The following USP8 variants were observed in gnomAD, a reference collection of about 807,000 sequenced individuals.
The protein encoded by USP8 is ubiquitin carboxyl-terminal hydrolase 8.
Under a neutral mutation model 130.0 loss-of-function variants are expected in USP8, and 27 were observed. The observed-to-expected ratio is 0.21, with a 90% CI of 0.15 to 0.29. The LOEUF (loss-of-function observed/expected upper bound fraction) is 0.29. USP8 is among the 10% of genes least tolerant of loss of function. The probability of loss-of-function intolerance (pLI) is 1.00; values close to 1 mark genes in which losing one functional copy is unlikely to be tolerated. For synonymous variants in USP8, 392 were observed against 444.1 expected, an observed-to-expected ratio of 0.88 and a Z score of 1.48; for missense variants, 1,029 against 1,312.2, an observed-to-expected ratio of 0.78 and a Z score of 3.33.
intron 11 of USP8, among the ~76,000 whole-genome samples, chr15:50,482,853 G>A (rs1156538595): frequency 3.9e-5 from 6 of 152,118 alleles, no homozygotes; most frequent in Non-Finnish European, 8.8e-5. Context: ...TTTACAGAAT[G>A]TCAATTTCTA....
intron 10 of USP8, among the ~76,000 whole-genome samples, chr15:50,480,263 A>C (rs536031826): frequency 1.3e-5 from 2 of 152,314 alleles, no homozygotes; most frequent in African/African-American, 4.8e-5. Flanking sequence ...TCAGGAACTT[A>C]GGTAGTTTAT....
At chr15:50,454,962 A>G (rs549254335) in intron 4 of USP8, among the ~76,000 whole-genome samples, 2 of 151,948 alleles carry the variant, frequency 1.3e-5, no homozygotes, top group African/African-American at 2.4e-5. Context: ...TTTTATAGAG[A>G]TGGGGTCTTT....
chr15:50,433,753 C>G (rs1012040326), intron 1 of USP8, among the ~76,000 whole-genome samples: 2 of 151,718 alleles, frequency 1.3e-5, no homozygotes, highest in South Asian at 2.1e-4. Context: ...CTACAGGTGC[C>G]CGCCACCGTG....
chr15:50,433,780 T>TA (rs2050003632), intron 1 of USP8, among the ~76,000 whole-genome samples: 3 of 152,030 alleles, frequency 2.0e-5, no homozygotes, highest in Non-Finnish European at 4.4e-5. Context: ...TAATTTTTTG[T>TA]CTTTTTAGTA....
At chr15:50,470,987 G>A (rs2051358761) in intron 7 of USP8, among the ~76,000 whole-genome samples, 1 of 152,162 alleles carries the variant, frequency 6.6e-6, no homozygotes, top group South Asian at 2.1e-4. Context: ...GTTTTAAGAG[G>A]CAGCATAGCA....
chr15:50,496,442 C>G (rs2052409640), intron 17 of USP8, among the ~76,000 whole-genome samples: 1 of 142,666 alleles, frequency 7.0e-6, no homozygotes, highest in African/African-American at 2.6e-5. Context: ...GATCTCGCCA[C>G]TGCACTCCAG....
At chr15:50,471,427 A>T (rs1400861901) in intron 7 of USP8, among the ~76,000 whole-genome samples, 2 of 152,158 alleles carry the variant, frequency 1.3e-5, no homozygotes, top group African/African-American at 2.4e-5. Flanking sequence ...AACTACTAAA[A>T]CTATGTTCCA....
At position 50,481,682 on chromosome 15, in the gene USP8, G is replaced by GA; in HGVS notation, c.1427dup (p.Asn476LysfsTer35). On this transcript the variant is annotated frameshift_variant, in exon 11 of 20. Transcript: ENST00000307179. LOFTEE classifies it high-confidence loss of function. ...TCATGCAGAAACTGCTCTTCTAATG[G>GA]AAAAAAACAAACAAGAAAAAGAACT... 1 of 1,610,758 alleles carries GA rather than the reference G, an allele frequency of 6.2e-7. No individual in the cohort carries two copies. The highest frequency in any genetic ancestry group is 8.5e-7 in the Non-Finnish European group (1 of 1,179,348).
At chr15:50,480,618 T>C (rs916411331) in intron 10 of USP8, among the ~76,000 whole-genome samples, 1 of 152,066 alleles carries the variant, frequency 6.6e-6, no homozygotes, top group African/African-American at 2.4e-5. Context: ...GGAAGGAGCA[T>C]GGCATCTTGG....
Position 50,490,447 on chromosome 15 carries a change from C to G in USP8, c.2156C>G (p.Ser719Cys). ...TCCAAACTGAAGCGCTCCTACTCCT[C>G]CCCAGATATAACCCAGGCTATTCAA... ...EPSKLKRSYS[S>C]PDITQAIQEE... Residue 719 changes from serine (S) to cysteine (C), a missense_variant, in exon 14 of 20, where the codon TCC becomes TGC. Physicochemically the swap from Ser to Cys is moderately radical, Grantham distance 112 (BLOSUM62 -1). Coordinates refer to ENST00000307179, the MANE Select transcript of USP8 (RefSeq NM_005154.5). 1 of 1,614,094 alleles carries G rather than the reference C, an allele frequency of 6.2e-7. No individual in the cohort carries two copies. The highest frequency in any genetic ancestry group is 8.5e-7 in the Non-Finnish European group (1 of 1,180,014).
rs2052594637 is a variant in USP8, at chr15:50,501,863, A to T, written c.*2775A>T. On this transcript the variant is annotated 3_prime_UTR_variant, in exon 20 of 20. Coordinates refer to ENST00000307179, the MANE Select transcript of USP8 (RefSeq NM_005154.5). Reference sequence around the variant, plus strand: ...TGGTTGGGGAAAAGATCCAAGTAATAATAGTATTGTTATATGTGAAAATTT... The same window carrying T: ...TGGTTGGGGAAAAGATCCAAGTAATTATAGTATTGTTATATGTGAAAATTT... 6.6e-6 allele frequency: 1 copy of T among 152,196 alleles called. No homozygotes were observed. The highest frequency in any genetic ancestry group is 1.5e-5 in the Non-Finnish European group (1 of 68,034). The allele number at this position is 152,196 out of a possible 1,614,324, so 9.4% of individuals were successfully genotyped here.
Position 50,499,415 on chromosome 15 carries a change from GC to G in USP8, c.*329del, listed in dbSNP as rs1273585974. ...TTTTTTTTTCCTTTTCACTGTTATG[GC>G]CTTTTCACATTTCTAAATCCCATCT... On this transcript the variant is annotated 3_prime_UTR_variant, in exon 20 of 20. Coordinates refer to ENST00000307179, the MANE Select transcript of USP8 (RefSeq NM_005154.5). The G allele has an allele frequency of 5.6e-6, 1 of 178,390 alleles. No homozygotes were observed. The allele number at this position is 178,390 out of a possible 1,614,324, so 11.1% of individuals were successfully genotyped here. A position where few individuals can be genotyped will look rare whatever the true frequency, so the allele number is the denominator to read the frequency against.
At chr15:50,444,425 C>G (rs2141260254) in intron 3 of USP8, 1 of 149,382 alleles carries the variant, frequency 6.7e-6, no homozygotes, top group South Asian at 2.1e-4. Context: ...TTTTAATGGT[C>G]TTGTTTACTT....
intron 2 of USP8, among the ~76,000 whole-genome samples, chr15:50,439,394 A>T (rs1045926563): frequency 6.6e-6 from 1 of 152,212 alleles, no homozygotes; most frequent in Admixed American, 6.5e-5. Context: ...GATCATACAG[A>T]TATGATCTCT....
chr15:50,441,818 CTG>C (rs776493262), intron 3 of USP8, among the ~76,000 whole-genome samples: 3 of 151,964 alleles, frequency 2.0e-5, no homozygotes, highest in South Asian at 2.1e-4. Flanking sequence ...GAAAACATGA[CTG>C]TGTTTTTTTT....
chr15:50,441,211 A>G lies in USP8; in HGVS notation c.105-138A>G, dbSNP rs144589707. ...CGTCTGCTGTGCGTCCTGGTTCATAACAGGCCGTGAACCAGTACCAATCTG... is the reference window on the plus strand; with the variant it reads ...CGTCTGCTGTGCGTCCTGGTTCATAGCAGGCCGTGAACCAGTACCAATCTG... On this transcript the variant is annotated intron_variant, in intron 2 of 19. Coordinates refer to ENST00000307179, the MANE Select transcript of USP8 (RefSeq NM_005154.5). 3.3e-3 allele frequency: 2,477 copies of G among 739,878 alleles called. 6 individuals carry two copies. The highest frequency in any genetic ancestry group is 4.6e-3 in the Non-Finnish European group (2,301 of 500,172). 45.8% of individuals were successfully genotyped at this position (739,878 alleles called of 1,614,324 possible).
At chr15:50,450,931 A>G (rs940489089) in intron 4 of USP8, among the ~76,000 whole-genome samples, 3 of 152,206 alleles carry the variant, frequency 2.0e-5, no homozygotes, top group Non-Finnish European at 4.4e-5. Flanking sequence ...GGAGAGAACA[A>G]TGGAACTGGT....
chr15:50,441,001 C>CAA (rs34390770), intron 2 of USP8, among the ~76,000 whole-genome samples: 1 of 135,540 alleles, frequency 7.4e-6, no homozygotes, highest in African/African-American at 2.7e-5. Context: ...GACCCCATCT[C>CAA]AAAAAAAAAA....
chr15:50,440,244 A>G (rs1207141264), intron 2 of USP8, among the ~76,000 whole-genome samples: 2 of 152,228 alleles, frequency 1.3e-5, no homozygotes, highest in African/African-American at 4.8e-5. Context: ...ACCTTTAGAT[A>G]AGACAAGGTC....
Sources: allele counts gnomAD v4.1 joint callset (sites outside exome capture counted in the v4.1 genomes callset), GRCh38; gene constraint gnomAD v4.1.1; transcripts MANE v1.5; gene names NCBI Gene and HGNC (gene_info 2026-07-23, HGNC 2026-07-21).